DSE: variants seen among roughly 807,000 people sequenced by gnomAD.
DSE encodes the protein dermatan sulfate epimerase.
A neutral mutation model predicts 84.4 loss-of-function variants in DSE; 36 were observed. The ratio of observed to expected loss-of-function variants is 0.43; its 90% confidence interval spans 0.33 to 0.56. The LOEUF is 0.56. Ranked by LOEUF, DSE falls within the 20% of genes least tolerant of loss-of-function variation. The pLI is 0.06. For missense variants in DSE, 862 were observed against 1,169.6 expected (o/e 0.74, Z 3.84); for synonymous variants, 410 against 430.1 (o/e 0.95, Z 0.58).
intron 2 of DSE, among the ~76,000 whole-genome samples, chr6:116,360,519 C>G (rs2027851): frequency 0.75 from 114,642 of 152,156 alleles, 44,435 homozygotes; most frequent in East Asian, 1. Flanking sequence ...AAATAAAGGT[C>G]ACACCATTAT....
Position 116,431,278 on chromosome 6 carries a change from A to G in DSE, c.910+85A>G, listed in dbSNP as rs1783822520. The G allele has an allele frequency of 3.9e-6, 6 of 1,524,068 alleles. No individual in the cohort carries two copies. In the Admixed American group the frequency reaches 7.9e-5, roughly 20 times the overall value. 94.4% of individuals were successfully genotyped at this position (1,524,068 alleles called of 1,614,324 possible). ...AAAATGAGCTAGACTAGGCAGAGAA[A>G]TTAGGTCCTTAGAGTTTGTCATATT... On this transcript the variant is annotated intron_variant, in intron 4 of 5. Transcript: ENST00000644252.
intron 2 of DSE, among the ~76,000 whole-genome samples, chr6:116,319,116 A>G (rs1383221068): frequency 6.6e-6 from 1 of 152,228 alleles, no homozygotes; most frequent in Non-Finnish European, 1.5e-5. Flanking sequence ...ACATAGTACT[A>G]TCCATTTATT....
upstream of DSE, chr6:116,366,138 T>A (rs905297444): frequency 6.6e-6 from 1 of 152,244 alleles, no homozygotes; most frequent in African/African-American, 2.4e-5. Flanking sequence ...GAGAAAAGTT[T>A]GCATATCAAA....
intron 2 of DSE, among the ~76,000 whole-genome samples, chr6:116,416,601 T>C (rs112998092): frequency 2.6e-4 from 40 of 152,278 alleles, no homozygotes; most frequent in African/African-American, 9.4e-4. Context: ...AATAAATGTG[T>C]CAACTACATA....
At chr6:116,307,130 C>G (rs1388267636) in intron 2 of DSE, among the ~76,000 whole-genome samples, 1 of 152,150 alleles carries the variant, frequency 6.6e-6, no homozygotes, top group Non-Finnish European at 1.5e-5. Context: ...GCATGTGAGT[C>G]CTGAGGACAG....
At chr6:116,271,672 G>T (rs1398457897) in intron 2 of DSE, among the ~76,000 whole-genome samples, 1 of 152,100 alleles carries the variant, frequency 6.6e-6, no homozygotes, top group Non-Finnish European at 1.5e-5. Flanking sequence ...TTCATTATTA[G>T]AATTATAAAT....
intron 2 of DSE, among the ~76,000 whole-genome samples, chr6:116,418,351 C>T (rs574548355): frequency 6.4e-4 from 97 of 152,226 alleles, no homozygotes; most frequent in African/African-American, 2.2e-3. Flanking sequence ...GGTTTGATCA[C>T]GAAGAGAGTG....
At chr6:116,365,783 G>T (rs757579057), upstream of DSE, among the ~76,000 whole-genome samples, 1 of 152,166 alleles carries the variant, frequency 6.6e-6, no homozygotes, top group African/African-American at 2.4e-5. Context: ...TGCACCCAGG[G>T]GTTAGAATTA....
chr6:116,428,048 G>A (rs898453995), intron 3 of DSE, among the ~76,000 whole-genome samples: 1 of 152,166 alleles, frequency 6.6e-6, no homozygotes, highest in African/African-American at 2.4e-5. Flanking sequence ...AATTAGCTGG[G>A]CGTTGTGGCG....
intron 2 of DSE, among the ~76,000 whole-genome samples, chr6:116,275,547 T>TC (rs2114623639): frequency 6.6e-6 from 1 of 152,340 alleles, no homozygotes; most frequent in Admixed American, 6.5e-5. Context: ...ACGCCTGTAA[T>TC]CCCAGCACTT....
chr6:116,290,662 A>G (rs138397744), intron 2 of DSE, among the ~76,000 whole-genome samples: 1 of 152,314 alleles, frequency 6.6e-6, no homozygotes, highest in East Asian at 1.9e-4. Context: ...CAGGAAATAC[A>G]TGAAGTCTTA....
intron 1 of DSE, among the ~76,000 whole-genome samples, chr6:116,257,652 TTTG>T (rs1217380802): frequency 1.3e-5 from 2 of 152,132 alleles, no homozygotes; most frequent in Non-Finnish European, 2.9e-5. Context: ...TAGACTGTAG[TTTG>T]TTGTTTTTTT....
At chr6:116,421,768 A>AT (rs1783109593) in intron 2 of DSE, among the ~76,000 whole-genome samples, 1 of 152,014 alleles carries the variant, frequency 6.6e-6, no homozygotes, top group Non-Finnish European at 1.5e-5. Context: ...GCCAAACTAT[A>AT]TTTTTTTAAA....
chr6:116,299,588 A>G lies in DSE; in HGVS notation c.-54+40621A>G, dbSNP rs1208663561. On this transcript the variant is annotated intron_variant, in intron 2 of 3. Coordinates refer to the DSE transcript ENST00000430252. ...CACACACACACATACATATATATGT[A>G]TGTATATGTGTGTGTATATGTATGT... 1.5e-5 allele frequency among the ~76,000 whole-genome samples: 2 copies of G among 129,382 alleles called. 1 individual carries two copies. 84.9% of individuals were successfully genotyped at this position (129,382 alleles called of 152,430 possible).
chr6:116,295,078 T>G (rs1023517023), intron 2 of DSE, among the ~76,000 whole-genome samples: 2 of 152,102 alleles, frequency 1.3e-5, no homozygotes, highest in African/African-American at 4.8e-5. Flanking sequence ...ACAGGAATAT[T>G]AGGTATATTC....
chr6:116,273,253 T>C (rs1183190764), intron 2 of DSE, among the ~76,000 whole-genome samples: 1 of 152,228 alleles, frequency 6.6e-6, no homozygotes. Flanking sequence ...TCCTTTTTAA[T>C]TGAACCATTT....
intron 3 of DSE, among the ~76,000 whole-genome samples, 171 bp downstream of exon 3, chr6:116,426,998 C>T (rs964867704): frequency 2.0e-5 from 3 of 152,160 alleles, no homozygotes; most frequent in African/African-American, 7.2e-5. Context: ...TGAGGGACAT[C>T]TCCTCCTTAT....
At chr6:116,303,480 G>A (rs914712545) in intron 2 of DSE, among the ~76,000 whole-genome samples, 2 of 152,062 alleles carry the variant, frequency 1.3e-5, no homozygotes, top group Non-Finnish European at 2.9e-5. Flanking sequence ...TGAGGAAAAG[G>A]CATCTACAAC....
intron 2 of DSE, among the ~76,000 whole-genome samples, chr6:116,281,714 T>C (rs1222987393): frequency 1.3e-5 from 2 of 152,198 alleles, no homozygotes; most frequent in Non-Finnish European, 2.9e-5. Flanking sequence ...GCACACTACC[T>C]TACACAGTAT....
Sources: allele counts gnomAD v4.1 joint callset (sites outside exome capture counted in the v4.1 genomes callset), GRCh38; gene constraint gnomAD v4.1.1; transcripts MANE v1.5; gene names NCBI Gene and HGNC (gene_info 2026-07-23, HGNC 2026-07-21).